TBC1D5: variants seen among roughly 807,000 people sequenced by gnomAD.
TBC1D5 encodes TBC1 domain family member 5.
A neutral mutation model predicts 100.3 loss-of-function variants in TBC1D5; 75 were observed. The ratio of observed to expected loss-of-function variants is 0.75; its 90% confidence interval spans 0.62 to 0.91. The LOEUF is 0.91. Among genes scored for constraint, TBC1D5 ranks in the 40% least tolerant of loss-of-function variants. TBC1D5 has a pLI of 0.00. For missense variants in TBC1D5, 910 were observed against 942.4 expected (o/e 0.97, Z 0.45); for synonymous variants, 323 against 325.6 (o/e 0.99, Z 0.09).
intron 17 of TBC1D5, among the ~76,000 whole-genome samples, chr3:17,236,960 C>T (rs1330859878): frequency 6.6e-6 from 1 of 152,128 alleles, no homozygotes; most frequent in Non-Finnish European, 1.5e-5. Context: ...TTGAATAATA[C>T]TCAACATTTG....
chr3:17,310,804 C>T (rs1309557323), intron 13 of TBC1D5, among the ~76,000 whole-genome samples: 3 of 151,910 alleles, frequency 2.0e-5, no homozygotes, highest in Non-Finnish European at 2.9e-5. Context: ...AAGTAAAATG[C>T]CGTCTCTTCT....
At chr3:17,652,308 ATAC>A (rs1409488001) in intron 1 of TBC1D5, among the ~76,000 whole-genome samples, 19 of 152,280 alleles carry the variant, frequency 1.2e-4, no homozygotes, top group Non-Finnish European at 2.4e-4. Flanking sequence ...TTAAAAATCA[ATAC>A]TACATTATAT....
chr3:17,689,443 G>A (rs1191313987), intron 1 of TBC1D5, among the ~76,000 whole-genome samples: 4 of 151,412 alleles, frequency 2.6e-5, no homozygotes, highest in African/African-American at 9.7e-5. Context: ...GGAGGCTGAA[G>A]CTGGAGGATC....
At chr3:17,255,896 C>A (rs551114104) in intron 16 of TBC1D5, among the ~76,000 whole-genome samples, 2 of 151,994 alleles carry the variant, frequency 1.3e-5, no homozygotes. Flanking sequence ...ATTAGCCAGG[C>A]GTGGCAGCGT....
At chr3:17,483,524 G>T (rs535955670) in intron 3 of TBC1D5, among the ~76,000 whole-genome samples, 1 of 152,210 alleles carries the variant, frequency 6.6e-6, no homozygotes, top group South Asian at 2.1e-4. Flanking sequence ...CTCAGCTTTG[G>T]TCCATGTTTA....
intron 15 of TBC1D5, among the ~76,000 whole-genome samples, chr3:17,288,178 T>C (rs981517705): frequency 1.3e-5 from 2 of 152,186 alleles, no homozygotes; most frequent in East Asian, 1.9e-4. Context: ...TTAGCATAAA[T>C]AGCCTCTTTT....
chr3:17,709,567 G>T (rs573879445), intron 1 of TBC1D5, among the ~76,000 whole-genome samples: 4 of 152,130 alleles, frequency 2.6e-5, no homozygotes, highest in South Asian at 4.1e-4. Flanking sequence ...TCTTATATGG[G>T]TTTCTGTTAC....
chr3:17,169,842 C>T (rs905718517), intron 19 of TBC1D5, among the ~76,000 whole-genome samples: 2 of 152,226 alleles, frequency 1.3e-5, no homozygotes, highest in Admixed American at 6.5e-5. Flanking sequence ...AATTTTTCCA[C>T]AAACGGTGGG....
At chr3:17,542,756 T>C (rs569039547) in intron 2 of TBC1D5, among the ~76,000 whole-genome samples, 27 of 152,352 alleles carry the variant, frequency 1.8e-4, no homozygotes, top group African/African-American at 6.3e-4. Flanking sequence ...TGTGGTACAT[T>C]ACTTTTATCA....
At chr3:17,190,883 G>T (rs1380643780) in intron 18 of TBC1D5, among the ~76,000 whole-genome samples, 1 of 152,134 alleles carries the variant, frequency 6.6e-6, no homozygotes, top group East Asian at 1.9e-4. Flanking sequence ...AAGACGCCCA[G>T]TCTTTCTTGA....
At chr3:17,732,185 G>A (rs1356250833) in intron 1 of TBC1D5, among the ~76,000 whole-genome samples, 5 of 152,046 alleles carry the variant, frequency 3.3e-5, no homozygotes, top group Admixed American at 6.6e-5. Context: ...GGGCATGGTG[G>A]TGGGCGCCTG....
At position 17,364,406 on chromosome 3, in the gene TBC1D5, G is replaced by C. The variant is rs1356987952; in HGVS notation, c.995+7669C>G. Among the ~76,000 whole-genome samples the C allele has an allele frequency of 2.0e-5, 3 of 152,120 alleles. No homozygotes were observed. The East Asian group carries it at 5.8e-4, about 29-fold the overall frequency. ...TTGAGATATATTAATGAATAAGACA[G>C]ACAAACTCCTTGCTGTCACAGATTT... On this transcript the variant is annotated intron_variant, in intron 13 of 21. Transcript: ENST00000253692.
chr3:17,339,650 G>T (rs1486562401), intron 13 of TBC1D5, among the ~76,000 whole-genome samples: 1 of 152,146 alleles, frequency 6.6e-6, no homozygotes, highest in African/African-American at 2.4e-5. Context: ...TATAAATACA[G>T]CATTAGAAAG....
intron 2 of TBC1D5, among the ~76,000 whole-genome samples, chr3:17,549,703 G>A (rs994585662): frequency 2.6e-5 from 4 of 152,174 alleles, no homozygotes; most frequent in African/African-American, 9.7e-5. Flanking sequence ...GGCCAAGGCT[G>A]TTGGATCACT....
intron 1 of TBC1D5, among the ~76,000 whole-genome samples, chr3:17,651,852 T>A (rs1389814454): frequency 1.3e-5 from 2 of 152,152 alleles, no homozygotes; most frequent in Non-Finnish European, 2.9e-5. Flanking sequence ...TGAATATGCA[T>A]AAGAGTGAAA....
intron 18 of TBC1D5, among the ~76,000 whole-genome samples, chr3:17,208,736 A>G (rs1306991946): frequency 2.0e-5 from 3 of 152,194 alleles, no homozygotes; most frequent in Non-Finnish European, 4.4e-5. Context: ...TCATAAAGAA[A>G]AGTAATTAAT....
At chr3:17,542,164 C>A (rs538696857) in intron 2 of TBC1D5, among the ~76,000 whole-genome samples, 1 of 152,176 alleles carries the variant, frequency 6.6e-6, no homozygotes, top group Non-Finnish European at 1.5e-5. Flanking sequence ...GTGGCACACA[C>A]TTGTAGTCTC....
intron 2 of TBC1D5, among the ~76,000 whole-genome samples, chr3:17,516,820 G>C (rs998635097): frequency 1.3e-5 from 2 of 152,010 alleles, no homozygotes; most frequent in African/African-American, 4.8e-5. Context: ...TCTTTAAGAG[G>C]TCCTAAATTC....
intron 13 of TBC1D5, among the ~76,000 whole-genome samples, chr3:17,355,743 T>C (rs1280247888): frequency 6.6e-6 from 1 of 151,970 alleles, no homozygotes; most frequent in Non-Finnish European, 1.5e-5. Flanking sequence ...AGAGGCTGAG[T>C]ACTGTGTTTT....
Sources: gnomAD v4.1 joint callset for allele counts (sites outside exome capture counted in the v4.1 genomes callset) on GRCh38, gnomAD v4.1.1 for gene constraint, MANE v1.5 for transcripts, NCBI Gene and HGNC (gene_info 2026-07-23, HGNC 2026-07-21) for gene names.